The following ISM1 variants were observed in gnomAD, a reference collection of about 807,000 sequenced individuals.
ISM1 encodes the protein isthmin 1, also known as isthmin-1.
Under a neutral mutation model 46.3 loss-of-function variants are expected in ISM1, and 25 were observed. The ratio of observed to expected loss-of-function variants is 0.54; its 90% CI spans 0.39 to 0.75. ISM1 has a LOEUF of 0.75. Ranked by LOEUF, ISM1 falls within the 30% of genes least tolerant of loss-of-function variation. ISM1 has a pLI of 0.00. For missense variants in ISM1, 536 were observed against 625.4 expected, an observed-to-expected ratio of 0.86 and a Z score of 1.52; for synonymous variants, 255 against 256.7, an observed-to-expected ratio of 0.99 and a Z score of 0.06.
chr20:13,232,884 C>T (rs75745539), intron 1 of ISM1, among the ~76,000 whole-genome samples: 10,238 of 152,246 alleles, frequency 0.067, 476 homozygotes, highest in Middle Eastern at 0.14. Context: ...GATACTGTCT[C>T]CTTAGAAGGA....
At chr20:13,233,102 T>G (rs991090188) in intron 1 of ISM1, among the ~76,000 whole-genome samples, 1 of 152,138 alleles carries the variant, frequency 6.6e-6, no homozygotes, top group Non-Finnish European at 1.5e-5. Context: ...TGTCCAATAT[T>G]CCTTGATTCT....
chr20:13,241,117 C>G (rs939582122), intron 1 of ISM1, among the ~76,000 whole-genome samples: 8 of 151,996 alleles, frequency 5.3e-5, no homozygotes, highest in Non-Finnish European at 1.2e-4. Context: ...AAAGATGAGG[C>G]CAGAGAAGTG....
intron 1 of ISM1, among the ~76,000 whole-genome samples, chr20:13,224,827 T>C (rs1281646746): frequency 6.6e-6 from 1 of 150,428 alleles, no homozygotes; most frequent in East Asian, 1.9e-4. Flanking sequence ...ACTTTACACA[T>C]ACTAGCTTTC....
At chr20:13,234,286 A>C (rs1342400632) in intron 1 of ISM1, among the ~76,000 whole-genome samples, 1 of 152,176 alleles carries the variant, frequency 6.6e-6, no homozygotes, top group East Asian at 1.9e-4. Context: ...GCTGCGAGAG[A>C]CATGACTTCA....
intron 1 of ISM1, among the ~76,000 whole-genome samples, chr20:13,225,881 G>C (rs1281430713): frequency 6.6e-6 from 1 of 152,008 alleles, no homozygotes; most frequent in Non-Finnish European, 1.5e-5. Flanking sequence ...CATAGATATG[G>C]ATATAGATAT....
intron 1 of ISM1, among the ~76,000 whole-genome samples, chr20:13,234,159 T>G (rs950411341): frequency 3.3e-5 from 5 of 152,258 alleles, no homozygotes; most frequent in Admixed American, 6.5e-5. Context: ...TGATTACTCT[T>G]TGTATGTCCG....
chr20:13,318,879 G>C, the ISM1 span, among the ~76,000 whole-genome samples: 2 of 152,184 alleles, frequency 1.3e-5, no homozygotes, highest in Non-Finnish European at 2.9e-5. Flanking sequence ...AGAAGAGGAA[G>C]GGATAAATAG....
chr20:13,236,240 AG>A (rs2039648261), intron 1 of ISM1, among the ~76,000 whole-genome samples: 1 of 152,148 alleles, frequency 6.6e-6, no homozygotes, highest in Admixed American at 6.5e-5. Flanking sequence ...CCTTCTAACA[AG>A]GACCTGCTCA....
At chr20:13,248,244 G>A (rs775007946) in intron 1 of ISM1, among the ~76,000 whole-genome samples, 12 of 152,078 alleles carry the variant, frequency 7.9e-5, no homozygotes, top group Non-Finnish European at 1.2e-4. Flanking sequence ...AACATTTCTT[G>A]TTGCTCCACT....
At chr20:13,237,290 T>G (rs6109772) in intron 1 of ISM1, among the ~76,000 whole-genome samples, 40,751 of 152,096 alleles carry the variant, frequency 0.27, 5,718 homozygotes, top group African/African-American at 0.36. Flanking sequence ...ACCTAAAAAA[T>G]AATGTTCATA....
At chr20:13,253,040 T>C (rs1232135810) in intron 1 of ISM1, among the ~76,000 whole-genome samples, 1 of 152,194 alleles carries the variant, frequency 6.6e-6, no homozygotes, top group South Asian at 2.1e-4. Flanking sequence ...TGGACCTGTG[T>C]GGCTTAATTA....
the ISM1 span, among the ~76,000 whole-genome samples, chr20:13,308,261 G>T: frequency 6.6e-6 from 1 of 152,218 alleles, no homozygotes; most frequent in Non-Finnish European, 1.5e-5. Flanking sequence ...GTGTGAATCT[G>T]ATGTAACTCA....
At chr20:13,267,759 T>G (rs2040059222) in intron 1 of ISM1, among the ~76,000 whole-genome samples, 1 of 152,210 alleles carries the variant, frequency 6.6e-6, no homozygotes, top group Non-Finnish European at 1.5e-5. Context: ...AAAATGTAAG[T>G]GTTCATAGTA....
At chr20:13,292,170 G>A (rs779887473) in intron 4 of ISM1, among the ~76,000 whole-genome samples, 7 of 152,148 alleles carry the variant, frequency 4.6e-5, no homozygotes, top group East Asian at 1.9e-4. Context: ...CTGATTTCAC[G>A]TTGCCAATGT....
chr20:13,223,885 T>C (rs2039481646), intron 1 of ISM1, among the ~76,000 whole-genome samples: 1 of 152,188 alleles, frequency 6.6e-6, no homozygotes, highest in African/African-American at 2.4e-5. Flanking sequence ...TGTGGAAAAG[T>C]AAATTTGGCA....
intron 1 of ISM1, among the ~76,000 whole-genome samples, chr20:13,243,902 G>A (rs1302810498): frequency 6.6e-6 from 1 of 152,162 alleles, no homozygotes; most frequent in Non-Finnish European, 1.5e-5. Flanking sequence ...ATATTTGAAG[G>A]GAAGATGGAA....
At chr20:13,287,691 AC>A (rs2040309280) in intron 3 of ISM1, among the ~76,000 whole-genome samples, 2 of 152,190 alleles carry the variant, frequency 1.3e-5, no homozygotes, top group Non-Finnish European at 2.9e-5. Flanking sequence ...TATCTCATGT[AC>A]CAAGAATTGT....
At chr20:13,312,459 G>T in the ISM1 span, among the ~76,000 whole-genome samples, 1 of 152,190 alleles carries the variant, frequency 6.6e-6, no homozygotes, top group Non-Finnish European at 1.5e-5. Context: ...ACAACGCCCT[G>T]CAACTTCTCC....
chr20:13,299,154 A>G lies in ISM1; in HGVS notation c.1090A>G (p.Thr364Ala). Residue 364 changes from threonine to alanine, a missense_variant, in exon 6 of 6, where the codon ACT (threonine) becomes GCT (alanine). Thr to Ala is a moderately conservative substitution (Grantham distance 58, BLOSUM62 0). Around this residue, in one of 2 missense-constraint regions of ISM1, gnomAD observed 169 missense variants for 249.3 expected, o/e 0.68. Transcript: ENST00000262487. This position sits in a 1 kb window ranked among gnomAD's most constrained non-coding sequence, Gnocchi z 5.8. ...PKEKLEIYKPTARYCIRSMLS... is the reference protein window; with the variant it reads ...PKEKLEIYKPAARYCIRSMLS... ...GGAGAAGCTGGAGATCTACAAGCCC[A>G]CTGCCCGGTACTGCATCCGCTCCAT... 3.1e-6 allele frequency: 5 copies of G among 1,610,958 alleles called. No individual in the cohort carries two copies. The highest frequency in any genetic ancestry group is 4.2e-6 in the Non-Finnish European group (5 of 1,178,742).
Sources: allele counts gnomAD v4.1 joint callset (sites outside exome capture counted in the v4.1 genomes callset), GRCh38; gene constraint gnomAD v4.1.1; regional missense constraint gnomAD v4.1.1; non-coding constraint Gnocchi (gnomAD v3.1); transcripts MANE v1.5; gene names NCBI Gene and HGNC (gene_info 2026-07-23, HGNC 2026-07-21).